SEL1L: variants seen among roughly 807,000 people sequenced by gnomAD.
SEL1L encodes protein sel-1 homolog 1.
Under a neutral mutation model 109.8 loss-of-function variants are expected in SEL1L, and 52 were observed. The observed-to-expected ratio is 0.47, with a 90% CI of 0.38 to 0.60. The LOEUF (loss-of-function observed/expected upper bound fraction) is 0.60, where lower values mean the gene tolerates loss of function less well. Ranked by LOEUF, SEL1L falls within the 20% of genes least tolerant of loss-of-function variation. SEL1L has a pLI of 0.00. For synonymous variants in SEL1L, 373 were observed against 339.6 expected (o/e 1.10, Z -1.08); for missense variants, 749 against 962.2 (o/e 0.78, Z 2.93).
chr14:81,477,543 G>A (rs1340974190), intron 20 of SEL1L, among the ~76,000 whole-genome samples: 1 of 152,102 alleles, frequency 6.6e-6, no homozygotes, highest in African/African-American at 2.4e-5. Context: ...CAGGCGCGGG[G>A]GCTCAGGCCT....
intron 5 of SEL1L, among the ~76,000 whole-genome samples, chr14:81,503,762 T>A (rs1378239486): frequency 6.6e-6 from 1 of 152,178 alleles, no homozygotes; most frequent in Non-Finnish European, 1.5e-5. Context: ...TATAAAAATG[T>A]CAGCTGAAAT....
At chr14:81,484,009 C>T (rs754028304) in intron 19 of SEL1L, among the ~76,000 whole-genome samples, 60 of 152,308 alleles carry the variant, frequency 3.9e-4, no homozygotes, top group Non-Finnish European at 7.8e-4. Flanking sequence ...CTGTCTTCAG[C>T]TTAATCCCTA....
At chr14:81,524,002 C>T (rs1944346555) in intron 3 of SEL1L, among the ~76,000 whole-genome samples, 2 of 152,148 alleles carry the variant, frequency 1.3e-5, no homozygotes, top group Admixed American at 1.3e-4. Flanking sequence ...GCTTGGGCAC[C>T]AAATTTTCAT....
intron 1 of SEL1L, 63 bp downstream of exon 1, chr14:81,533,612 G>A (rs1198611706): frequency 7.2e-6 from 11 of 1,528,710 alleles, no homozygotes; most frequent in Admixed American, 1.8e-5. Flanking sequence ...CCACGGCCCC[G>A]CCGGCTGTAG....
chr14:81,532,056 G>A (rs1368983113), intron 1 of SEL1L, among the ~76,000 whole-genome samples: 1 of 152,162 alleles, frequency 6.6e-6, no homozygotes, highest in African/African-American at 2.4e-5. Flanking sequence ...ATATATCAGT[G>A]TTAAGTCTTT....
chr14:81,525,490 A>T (rs982714035), intron 3 of SEL1L, among the ~76,000 whole-genome samples: 1 of 150,422 alleles, frequency 6.6e-6, no homozygotes, highest in Non-Finnish European at 1.5e-5. Flanking sequence ...TAAAAATTTT[A>T]AAATGGTAAT....
rs1468565126 is a variant in SEL1L, at chr14:81,471,901, GCTCA to G, written c.*5067_*5070del. 1.3e-4 allele frequency: 20 copies of G among 152,162 alleles called. No individual in the cohort carries two copies. The highest frequency in any genetic ancestry group is 3.1e-4 in the African/African-American group (13 of 41,510). 9.4% of individuals were successfully genotyped at this position (152,162 alleles called of 1,614,324 possible). A position where few individuals can be genotyped will look rare whatever the true frequency, so the allele number is the denominator to read the frequency against. On this transcript the variant is annotated 3_prime_UTR_variant, in exon 21 of 21. Coordinates refer to ENST00000336735, the MANE Select transcript of SEL1L (RefSeq NM_005065.6). The stretch of plus-strand genomic sequence containing the variant: ...AGTACCTCCTTTTGAACTGATTAAC[GCTCA>G]CTTTTTCTTATTCGTAAAAAAATAC...
intron 19 of SEL1L, among the ~76,000 whole-genome samples, chr14:81,479,953 C>T (rs1053716586): frequency 1.1e-4 from 16 of 152,124 alleles, no homozygotes; most frequent in African/African-American, 3.9e-4. Flanking sequence ...AACTCATTTT[C>T]CCCCAACATA....
At chr14:81,521,527 C>T (rs1357828376) in intron 3 of SEL1L, among the ~76,000 whole-genome samples, 2 of 152,126 alleles carry the variant, frequency 1.3e-5, no homozygotes, top group African/African-American at 2.4e-5. Flanking sequence ...CTGTGTATAC[C>T]ATGGTGGTCC....
rs1595497276 is a variant in SEL1L, at chr14:81,474,426, C to A, written c.*2546G>T. On this transcript the variant is annotated 3_prime_UTR_variant, in exon 21 of 21. Transcript: ENST00000336735. ...TAGAAAAGGTCTTAGGAGAGATGGG[C>A]TACCATGGACAAATGAAGCCACACT... 1.3e-5 allele frequency: 2 copies of A among 152,258 alleles called. No homozygotes were observed. Among genetic ancestry groups the A allele is most frequent in the South Asian group, 2.1e-4 (1 of 4,820 alleles). 9.4% of individuals were successfully genotyped at this position (152,258 alleles called of 1,614,324 possible). A position where few individuals can be genotyped will look rare whatever the true frequency, so the allele number is the denominator to read the frequency against.
At chr14:81,524,305 C>T (rs979294729) in intron 3 of SEL1L, among the ~76,000 whole-genome samples, 1 of 152,100 alleles carries the variant, frequency 6.6e-6, no homozygotes, top group African/African-American at 2.4e-5. Flanking sequence ...ATCTTAACAT[C>T]AGTAAAAGTG....
At position 81,473,803 on chromosome 14, in the gene SEL1L, T is replaced by C. The variant is rs748723017; in HGVS notation, c.*3169A>G. Reference sequence around the variant, plus strand: ...TGTGTTTTTCATTTATAGGCCTGCATGCATACTTCCAAAACACTGGTTTGA... The same window carrying C: ...TGTGTTTTTCATTTATAGGCCTGCACGCATACTTCCAAAACACTGGTTTGA... On this transcript the variant is annotated 3_prime_UTR_variant, in exon 21 of 21. Transcript: ENST00000336735. 3.3e-5 allele frequency: 5 copies of C among 152,104 alleles called. No individual in the cohort carries two copies. Among genetic ancestry groups the C allele is most frequent in the Non-Finnish European group, 7.4e-5 (5 of 68,020 alleles). The allele number at this position is 152,104 out of a possible 1,614,324, so 9.4% of individuals were successfully genotyped here.
At chr14:81,515,809 C>T (rs958258472) in intron 3 of SEL1L, among the ~76,000 whole-genome samples, 22 of 151,976 alleles carry the variant, frequency 1.4e-4, no homozygotes, top group African/African-American at 5.1e-4. Context: ...CCCTGGGCCC[C>T]GAACAAAATC....
At chr14:81,494,536 TC>T (rs1883666643) in intron 11 of SEL1L, among the ~76,000 whole-genome samples, 1 of 152,222 alleles carries the variant, frequency 6.6e-6, no homozygotes, top group African/African-American at 2.4e-5. Context: ...CAGTTCTGTT[TC>T]ATGTACTATG....
intron 18 of SEL1L, 163 bp from the exon 19 acceptor site, chr14:81,484,560 T>C: frequency 1.6e-6 from 1 of 635,084 alleles, no homozygotes; most frequent in South Asian, 2.6e-5. Flanking sequence ...TAAAGTCCAG[T>C]AAAAATTTAA....
intron 1 of SEL1L, among the ~76,000 whole-genome samples, chr14:81,528,299 T>C (rs1885191370): frequency 6.6e-6 from 1 of 152,204 alleles, no homozygotes; most frequent in Non-Finnish European, 1.5e-5. Context: ...TACTCAGAGA[T>C]AACCAGATGC....
chr14:81,480,191 CTTTT>C lies in SEL1L; in HGVS notation c.2047-455_2047-452del, dbSNP rs1339216548. ...CAGATGACAGGCACGGTGGCTCATTCTTTTTTATTTTTTTTTTGAGACAGAGTCT... is the reference window on the plus strand; with the variant it reads ...CAGATGACAGGCACGGTGGCTCATTCTTATTTTTTTTTTGAGACAGAGTCT... On this transcript the variant is annotated intron_variant, in intron 19 of 20. Transcript: ENST00000336735. Among the ~76,000 whole-genome samples, 3 of 151,954 alleles carry C rather than the reference CTTTT, an allele frequency of 2.0e-5. No individual in the cohort carries two copies. In the South Asian group the frequency reaches 6.2e-4, roughly 32 times the overall value.
At chr14:81,512,642 A>G (rs1884532977) in intron 3 of SEL1L, among the ~76,000 whole-genome samples, 1 of 152,238 alleles carries the variant, frequency 6.6e-6, no homozygotes, top group African/African-American at 2.4e-5. Context: ...CTCTGATGGC[A>G]CAAGTCCTGA....
chr14:81,523,816 T>C (rs980490056), intron 3 of SEL1L, among the ~76,000 whole-genome samples: 1 of 151,988 alleles, frequency 6.6e-6, no homozygotes, highest in Admixed American at 6.5e-5. Flanking sequence ...GCTTACTTGG[T>C]ATGTGGGGAA....
Sources: allele counts gnomAD v4.1 joint callset (sites outside exome capture counted in the v4.1 genomes callset), GRCh38; gene constraint gnomAD v4.1.1; transcripts MANE v1.5; gene names NCBI Gene and HGNC (gene_info 2026-07-23, HGNC 2026-07-21).